Variants in PCBP3 observed in about 807,000 individuals in gnomAD.
The protein encoded by PCBP3 is poly(rC) binding protein 3.
In PCBP3, 25 loss-of-function variants were observed where a neutral mutation model predicts 52.7. The ratio of observed to expected loss-of-function variants is 0.47; its 90% CI spans 0.35 to 0.66. PCBP3 has a LOEUF of 0.66. Ranked by LOEUF, PCBP3 falls within the 30% of genes least tolerant of loss-of-function variation. PCBP3 has a pLI of 0.01. For synonymous variants in PCBP3, 162 were observed against 183.0 expected, an observed-to-expected ratio of 0.89 and a Z score of 0.93; for missense variants, 391 against 490.3, an observed-to-expected ratio of 0.80 and a Z score of 1.91.
chr21:45,771,529 G>C (rs546770961), intron 4 of PCBP3, among the ~76,000 whole-genome samples: 1 of 152,286 alleles, frequency 6.6e-6, no homozygotes, highest in Non-Finnish European at 1.5e-5. Context: ...TATCATTTTA[G>C]AATATGCAGT....
chr21:45,769,553 C>T lies in PCBP3; in HGVS notation c.-126+14101C>T, dbSNP rs149783418. On this transcript the variant is annotated intron_variant, in intron 4 of 17. Coordinates refer to ENST00000681687, the MANE Select transcript of PCBP3 (RefSeq NM_001384156.1). ...TAATTCTTAGAACCGCCTATCCAGG[C>T]CGGTCTTGTGTTCCCCCTACAGAGG... Among the ~76,000 whole-genome samples the T allele has an allele frequency of 3.6e-3, 551 of 152,378 alleles. 2 individuals carry two copies. The highest frequency in any genetic ancestry group is 0.013 in the African/African-American group (533 of 41,582).
chr21:45,655,870 C>T (rs942024476), intron 1 of PCBP3, among the ~76,000 whole-genome samples: 17 of 152,092 alleles, frequency 1.1e-4, no homozygotes, highest in Non-Finnish European at 1.5e-5. Context: ...GACATTTATG[C>T]AGCCAACAGA....
chr21:45,911,410 A>AGGGGGGGGGGGGG, intron 11 of PCBP3: 1 of 164,964 alleles, frequency 6.1e-6, no homozygotes, highest in Non-Finnish European at 1.2e-5. Context: ...TGGGGGTGGG[A>AGGGGGGGGGGGGG]GGGAGGCAAA....
intron 5 of PCBP3, among the ~76,000 whole-genome samples, chr21:45,868,706 G>C (rs1384195562): frequency 6.6e-6 from 1 of 152,182 alleles, no homozygotes; most frequent in Non-Finnish European, 1.5e-5. Flanking sequence ...CCCGTTGCAC[G>C]TCCCCCCGTC....
chr21:45,782,570 A>G (rs1445396158), intron 4 of PCBP3, among the ~76,000 whole-genome samples: 1 of 152,240 alleles, frequency 6.6e-6, no homozygotes, highest in Non-Finnish European at 1.5e-5. Context: ...TCAATGGTCA[A>G]ATGTCATGTA....
chr21:45,937,764 T>C (rs1352500890), intron 16 of PCBP3, among the ~76,000 whole-genome samples: 1 of 152,168 alleles, frequency 6.6e-6, no homozygotes, highest in Non-Finnish European at 1.5e-5. Context: ...GAAGGCATCC[T>C]CCCCTGCACT....
rs2145914212 is a variant in PCBP3 at position 45,737,890 on chromosome 21, G to C, written c.-162+2461G>C. 6.6e-6 allele frequency among the ~76,000 whole-genome samples: 1 copy of C among 152,314 alleles called. No homozygotes were observed. The highest frequency in any genetic ancestry group is 1.5e-5 in the Non-Finnish European group (1 of 68,020). On this transcript the variant is annotated intron_variant, in intron 3 of 17. Transcript: ENST00000681687. The surrounding 1 kb of genome is among the most constrained non-coding windows in gnomAD (Gnocchi z 4.9). ...GAAGCAGAGCGGAGCTCATCTGAGTGGATGTTTCCCAGGGGAGCCAGTAGT... is the reference window on the plus strand; with the variant it reads ...GAAGCAGAGCGGAGCTCATCTGAGTCGATGTTTCCCAGGGGAGCCAGTAGT...
intron 12 of PCBP3, chr21:45,914,962 A>G (rs1215431569): frequency 6.6e-6 from 1 of 152,242 alleles, no homozygotes; most frequent in African/African-American, 2.4e-5. Flanking sequence ...GCTTTTCCTT[A>G]CGGTGTAAAG....
intron 2 of PCBP3, 195 bp downstream of exon 2, chr21:45,669,147 T>C (rs1315828691): frequency 6.6e-6 from 1 of 152,212 alleles, no homozygotes; most frequent in Admixed American, 6.5e-5. Context: ...TCTGGGACTC[T>C]GATTAAATTT....
chr21:45,893,999 T>G, intron 5 of PCBP3: 1 of 985,548 alleles, frequency 1.0e-6, no homozygotes. Flanking sequence ...CCAGGGCACT[T>G]TGCAGACGGC....
chr21:45,727,966 G>A (rs967047451), intron 2 of PCBP3, among the ~76,000 whole-genome samples: 1 of 152,168 alleles, frequency 6.6e-6, no homozygotes, highest in African/African-American at 2.4e-5. Context: ...AATAAATCTT[G>A]AAATCGGGCA....
rs2089114486 is a variant in PCBP3, at chr21:45,764,640, G to A, written c.-126+9188G>A. Among the ~76,000 whole-genome samples the A allele has an allele frequency of 5.3e-5, 8 of 152,196 alleles. No individual in the cohort carries two copies. In the South Asian group the frequency reaches 1.4e-3, roughly 28 times the overall value. ...AAGCTTTTGCTGCAGTTTTCTGGAC[G>A]GTGGGCAGGCAGCTGTGCTTAGGAG... is the stretch of plus-strand genomic sequence containing the variant. On this transcript the variant is annotated intron_variant, in intron 4 of 17. Coordinates refer to ENST00000681687, the MANE Select transcript of PCBP3 (RefSeq NM_001384156.1).
At chr21:45,645,285 AG>A (rs2079182805) in intron 1 of PCBP3, among the ~76,000 whole-genome samples, 1 of 152,108 alleles carries the variant, frequency 6.6e-6, no homozygotes, top group African/African-American at 2.4e-5. Flanking sequence ...ATACAGTGCA[AG>A]TTCATTACGA....
At chr21:45,672,109 G>T (rs1347060635) in intron 2 of PCBP3, among the ~76,000 whole-genome samples, 1 of 152,160 alleles carries the variant, frequency 6.6e-6, no homozygotes, top group Non-Finnish European at 1.5e-5. Flanking sequence ...ATGGATTAAT[G>T]TGTTATCAGG....
intron 11 of PCBP3, 68 bp from the exon 12 acceptor site, chr21:45,913,883 C>T (rs573317516): frequency 1.4e-5 from 20 of 1,430,922 alleles, no homozygotes; most frequent in Middle Eastern, 3.8e-4. Flanking sequence ...GGCCGGGGCA[C>T]GCCTCCCCAT....
intron 4 of PCBP3, among the ~76,000 whole-genome samples, chr21:45,841,007 G>A (rs1302084661): frequency 6.6e-6 from 1 of 152,180 alleles, no homozygotes; most frequent in Non-Finnish European, 1.5e-5. Context: ...TGTCACAGTT[G>A]CCTACAGTAT....
chr21:45,936,042 G>A (rs905078336), intron 16 of PCBP3, among the ~76,000 whole-genome samples: 1 of 152,216 alleles, frequency 6.6e-6, no homozygotes, highest in Non-Finnish European at 1.5e-5. Flanking sequence ...CAGCTCAAGT[G>A]TCCAGGAGGC....
At chr21:45,812,382 A>C (rs958238849) in intron 4 of PCBP3, among the ~76,000 whole-genome samples, 1 of 152,064 alleles carries the variant, frequency 6.6e-6, no homozygotes, top group African/African-American at 2.4e-5. Flanking sequence ...CATTTTCTTC[A>C]GTCTGAAAAT....
intron 9 of PCBP3, among the ~76,000 whole-genome samples, chr21:45,906,885 C>T (rs1295228947): frequency 6.6e-6 from 1 of 152,198 alleles, no homozygotes; most frequent in African/African-American, 2.4e-5. Flanking sequence ...AGAGAAAACA[C>T]GGCGGGTGAT....
Sources: allele counts gnomAD v4.1 joint callset (sites outside exome capture counted in the v4.1 genomes callset), GRCh38; gene constraint gnomAD v4.1.1; non-coding constraint Gnocchi (gnomAD v3.1); transcripts MANE v1.5; gene names NCBI Gene and HGNC (gene_info 2026-07-23, HGNC 2026-07-21).